The following PLGRKT variants were observed in gnomAD, a reference collection of about 807,000 sequenced individuals.
PLGRKT encodes plasminogen receptor (KT).
A neutral mutation model predicts 18.5 loss-of-function variants in PLGRKT; 22 were observed. That is an observed-to-expected ratio of 1.19 (90% CI 0.85 to 1.70). The LOEUF (loss-of-function observed/expected upper bound fraction) is 1.70, where lower values mean the gene tolerates loss of function less well. PLGRKT is among the 40% of genes most tolerant of loss of function. The pLI is 0.00. For missense variants in PLGRKT, 235 were observed against 174.4 expected (o/e 1.35, Z -1.96); for synonymous variants, 72 against 52.8 (o/e 1.36, Z -1.58).
chr9:5,434,868 C>T (rs1184656558), intron 2 of PLGRKT, among the ~76,000 whole-genome samples: 1 of 151,156 alleles, frequency 6.6e-6, no homozygotes, highest in Non-Finnish European at 1.5e-5. Flanking sequence ...GCGGTTTTGT[C>T]GAAAAGAAAA....
chr9:5,431,859 T>C (rs957038821), intron 3 of PLGRKT, 38 bp downstream of exon 3: 11 of 978,738 alleles, frequency 1.1e-5, no homozygotes, highest in African/African-American at 3.2e-5. Flanking sequence ...ACTTTAAGCA[T>C]TGTAACAACA....
chr9:5,421,495 C>A (rs1380639931), intron 3 of PLGRKT, among the ~76,000 whole-genome samples: 2 of 152,210 alleles, frequency 1.3e-5, no homozygotes, highest in East Asian at 3.8e-4. Context: ...GTAAGTTCCA[C>A]AAGGGAAGGA....
intron 3 of PLGRKT, among the ~76,000 whole-genome samples, chr9:5,384,365 A>C (rs934203949): frequency 1.3e-5 from 2 of 152,210 alleles, no homozygotes; most frequent in Non-Finnish European, 2.9e-5. Context: ...TTTCAGATAA[A>C]GTTGATAAAA....
At chr9:5,386,363 A>G (rs1310994519) in intron 3 of PLGRKT, among the ~76,000 whole-genome samples, 1 of 151,800 alleles carries the variant, frequency 6.6e-6, no homozygotes, top group Non-Finnish European at 1.5e-5. Context: ...ACCAGGCATG[A>G]TTTTGCCTCC....
chr9:5,428,753 A>C (rs1818750682), intron 3 of PLGRKT, among the ~76,000 whole-genome samples: 1 of 152,208 alleles, frequency 6.6e-6, no homozygotes, highest in Non-Finnish European at 1.5e-5. Flanking sequence ...GCTGGAGTAC[A>C]GTGGTATGAT....
At chr9:5,362,366 A>G (rs1817286176) in intron 3 of PLGRKT, among the ~76,000 whole-genome samples, 1 of 152,194 alleles carries the variant, frequency 6.6e-6, no homozygotes, top group South Asian at 2.1e-4. Context: ...TTGTTTTGAG[A>G]CATCTATAGA....
Position 5,392,052 on chromosome 9 carries a change from G to A in PLGRKT, c.82-30164C>T, listed in dbSNP as rs369605923. Among the ~76,000 whole-genome samples the A allele has an allele frequency of 2.6e-4, 39 of 152,034 alleles. No homozygotes were observed. The South Asian group carries it at 7.9e-3, about 31-fold the overall frequency. On this transcript the variant is annotated intron_variant, in intron 3 of 5. Transcript: ENST00000223864. ...TGACATATGTACCATGAGACCTAGA[G>A]GGGGAAAGTGTGTGAGGCAGCAACA...
rs1277697672 is a variant in PLGRKT at position 5,426,005 on chromosome 9, GTTAT to G, written c.81+5888_81+5891del. On this transcript the variant is annotated intron_variant, in intron 3 of 5. Coordinates refer to ENST00000223864, the MANE Select transcript of PLGRKT (RefSeq NM_018465.4). The stretch of plus-strand genomic sequence containing the variant: ...AAAGACTAAATCACAGGCTAAAGAT[GTTAT>G]TTAGACATGGTATTTCAATCAGAAT... Among the ~76,000 whole-genome samples the G allele has an allele frequency of 2.0e-5, 3 of 152,164 alleles. No individual in the cohort carries two copies. The East Asian group carries it at 5.8e-4, about 29-fold the overall frequency.
intron 3 of PLGRKT, among the ~76,000 whole-genome samples, chr9:5,371,475 C>G (rs1817514185): frequency 6.6e-6 from 1 of 152,182 alleles, no homozygotes; most frequent in Admixed American, 6.5e-5. Flanking sequence ...ATGGGTTTAT[C>G]AGGGGTTTCC....
At chr9:5,391,140 G>A (rs988038840) in intron 3 of PLGRKT, among the ~76,000 whole-genome samples, 1 of 151,944 alleles carries the variant, frequency 6.6e-6, no homozygotes, top group Non-Finnish European at 1.5e-5. Context: ...ATGGTTAAAT[G>A]CATGTGTGTG....
At chr9:5,410,662 T>C (rs1818345177) in intron 3 of PLGRKT, among the ~76,000 whole-genome samples, 1 of 152,218 alleles carries the variant, frequency 6.6e-6, no homozygotes, top group African/African-American at 2.4e-5. Flanking sequence ...AATTAATTTG[T>C]TCATACTGAA....
chr9:5,401,127 A>G (rs11999707), intron 3 of PLGRKT, among the ~76,000 whole-genome samples: 1,883 of 151,980 alleles, frequency 0.012, 66 homozygotes, highest in African/African-American at 0.044. Flanking sequence ...ACAGGTGGCC[A>G]ATAGGGGAAT....
At chr9:5,367,317 A>G (rs1817415504) in intron 3 of PLGRKT, among the ~76,000 whole-genome samples, 1 of 152,178 alleles carries the variant, frequency 6.6e-6, no homozygotes, top group Non-Finnish European at 1.5e-5. Flanking sequence ...ACAAAGCCAG[A>G]GGCATCACAC....
intron 3 of PLGRKT, among the ~76,000 whole-genome samples, chr9:5,377,464 T>C (rs1475794372): frequency 6.6e-6 from 1 of 152,202 alleles, no homozygotes; most frequent in East Asian, 1.9e-4. Context: ...CATTTTTTTC[T>C]CCTTTGTATT....
At chr9:5,359,737 T>C (rs182317803) in intron 5 of PLGRKT, among the ~76,000 whole-genome samples, 55 of 152,338 alleles carry the variant, frequency 3.6e-4, no homozygotes, top group African/African-American at 1.3e-3. Flanking sequence ...CCCACAAAAA[T>C]TTCCTATTAA....
chr9:5,429,320 C>G lies in PLGRKT; in HGVS notation c.81+2577G>C, dbSNP rs138890401. On this transcript the variant is annotated intron_variant, in intron 3 of 5. Coordinates refer to ENST00000223864, the MANE Select transcript of PLGRKT (RefSeq NM_018465.4). ...TCACTATGAAGCTCCAGTGAGGCCA[C>G]TGCCCAGTGCAGCAGCACCACCTGC... is the stretch of plus-strand genomic sequence containing the variant. Among the ~76,000 whole-genome samples the G allele has an allele frequency of 3.2e-3, 493 of 152,346 alleles. 1 individual carries two copies. The highest frequency in any genetic ancestry group is 6.8e-3 in the Middle Eastern group (2 of 294).
intron 3 of PLGRKT, among the ~76,000 whole-genome samples, chr9:5,388,051 G>A (rs1264164968): frequency 1.3e-5 from 2 of 151,904 alleles, no homozygotes; most frequent in Non-Finnish European, 2.9e-5. Context: ...CAAATTCTGG[G>A]TTAGAAATAT....
At chr9:5,428,557 C>T (rs549293199) in intron 3 of PLGRKT, among the ~76,000 whole-genome samples, 2 of 152,330 alleles carry the variant, frequency 1.3e-5, no homozygotes, top group African/African-American at 4.8e-5. Context: ...GGAAGCAGCA[C>T]CCATTCTGGG....
intron 3 of PLGRKT, among the ~76,000 whole-genome samples, chr9:5,380,529 C>G (rs1362125753): frequency 6.6e-6 from 1 of 152,126 alleles, no homozygotes; most frequent in Non-Finnish European, 1.5e-5. Context: ...ATATCATTTT[C>G]TCAGTGAGGG....
Sources: allele counts gnomAD v4.1 joint callset (sites outside exome capture counted in the v4.1 genomes callset), GRCh38; gene constraint gnomAD v4.1.1; transcripts MANE v1.5; gene names NCBI Gene and HGNC (gene_info 2026-07-23, HGNC 2026-07-21).